PDCD4: variants seen among roughly 807,000 people sequenced by gnomAD.
PDCD4 encodes the protein programmed cell death protein 4.
Under a neutral mutation model 54.0 loss-of-function variants are expected in PDCD4, and 56 were observed. The observed-to-expected ratio is 1.04, with a 90% CI of 0.84 to 1.30. PDCD4 has a LOEUF of 1.30. Among genes scored for constraint, PDCD4 ranks in the 50% most tolerant of loss-of-function variants. The pLI is 0.00. For missense variants in PDCD4, 584 were observed against 559.8 expected (o/e 1.04, Z -0.44); for synonymous variants, 186 against 194.8 (o/e 0.95, Z 0.37).
At chr10:110,885,914 A>G (rs944033224) in intron 5 of PDCD4, among the ~76,000 whole-genome samples, 9 of 152,142 alleles carry the variant, frequency 5.9e-5, no homozygotes, top group African/African-American at 2.2e-4. Context: ...ATAAAATAAA[A>G]CCATTGGTCT....
chr10:110,893,338 ATACT>A (rs1845784690), intron 8 of PDCD4, among the ~76,000 whole-genome samples: 1 of 151,254 alleles, frequency 6.6e-6, no homozygotes, highest in Non-Finnish European at 1.5e-5. Flanking sequence ...AGTTGGAAGG[ATACT>A]TAAATATGAT....
In PDCD4 at chr10:110,890,616, T is replaced by G. The variant is rs758648222; in HGVS notation, c.936T>G (p.Asp312Glu). The change falls in exon 8 of 12, where the codon GAT (aspartate) becomes GAG (glutamate). Residue 312 changes from aspartate to glutamate, a missense_variant. Physicochemically the swap from Asp to Glu is conservative, Grantham distance 45. Coordinates refer to ENST00000280154, the MANE Select transcript of PDCD4 (RefSeq NM_014456.5). ...TGTCTAAAGGTGGAAAGCGTAAAGA[T>G]AGTGTGTGGGGCTCTGGAGGTGGGC... is the stretch of plus-strand genomic sequence containing the variant. ...LSMSKGGKRKDSVWGSGGGQQ... is the reference protein window; with the variant it reads ...LSMSKGGKRKESVWGSGGGQQ... 1 of 1,613,648 alleles carries G rather than the reference T, an allele frequency of 6.2e-7. No homozygotes were observed. The highest frequency in any genetic ancestry group is 1.7e-5 in the Admixed American group (1 of 60,016).
chr10:110,889,529 A>G lies in PDCD4; in HGVS notation c.778-4A>G. 1 of 1,520,452 alleles carries G rather than the reference A, an allele frequency of 6.6e-7. No individual in the cohort carries two copies. The highest frequency in any genetic ancestry group is 1.2e-5 in the South Asian group (1 of 83,198). 94.2% of individuals were successfully genotyped at this position (1,520,452 alleles called of 1,614,324 possible). On this transcript the variant is annotated splice_polypyrimidine_tract_variant and splice_region_variant and intron_variant, in intron 6 of 11. Coordinates refer to ENST00000280154, the MANE Select transcript of PDCD4 (RefSeq NM_014456.5). ...TATAGCTCTTTTTTTTTTCCTTTTT[A>G]CAGTTGGTGGGCCAGTTTATTGCTA...
intron 1 of PDCD4, among the ~76,000 whole-genome samples, chr10:110,873,540 A>T (rs1297207865): frequency 6.6e-6 from 1 of 152,232 alleles, no homozygotes; most frequent in African/African-American, 2.4e-5. Context: ...GGAGAAAAGA[A>T]CAGTGTTTAA....
intron 2 of PDCD4, chr10:110,876,873 TA>T (rs1845513207): frequency 5.1e-6 from 2 of 389,808 alleles, no homozygotes; most frequent in East Asian, 7.5e-5. Context: ...ATACTTTGGA[TA>T]ATTCTTTGTC....
At chr10:110,879,349 AG>A (rs1845555512) in intron 2 of PDCD4, among the ~76,000 whole-genome samples, 1 of 152,192 alleles carries the variant, frequency 6.6e-6, no homozygotes, top group African/African-American at 2.4e-5. Context: ...AAGATCATAA[AG>A]GACCTTAAGT....
intron 11 of PDCD4, among the ~76,000 whole-genome samples, chr10:110,897,075 T>A (rs1845847778): frequency 6.6e-6 from 1 of 152,206 alleles, no homozygotes; most frequent in African/African-American, 2.4e-5. Flanking sequence ...TTCCCTACCT[T>A]GGTCTCATAC....
chr10:110,878,387 A>G (rs1282680373), intron 2 of PDCD4, among the ~76,000 whole-genome samples: 2 of 152,192 alleles, frequency 1.3e-5, no homozygotes, highest in African/African-American at 4.8e-5. Context: ...ACTCCAAGGG[A>G]CAGTTTAAGA....
intron 6 of PDCD4, among the ~76,000 whole-genome samples, chr10:110,888,267 TCTTCC>T (rs1353889957): frequency 6.6e-6 from 1 of 152,160 alleles, no homozygotes; most frequent in African/African-American, 2.4e-5. Flanking sequence ...TAAATAAGAC[TCTTCC>T]CTTTTGTAGC....
intron 8 of PDCD4, chr10:110,890,882 GAAT>G (rs1435308192): frequency 2.8e-6 from 1 of 357,398 alleles, no homozygotes; most frequent in Admixed American, 4.6e-5. Context: ...TGGCTTTCAT[GAAT>G]AATTATAAGC....
In PDCD4 at chr10:110,894,208, C is replaced by A. The variant is rs753923888; in HGVS notation, c.1098+10C>A. On this transcript the variant is annotated intron_variant, in intron 9 of 11. Transcript: ENST00000280154. ...TGAGCTTGTATATGAAGTAAGATTA[C>A]CTTGCCATGTCAAAGATAATTATTA... is the stretch of plus-strand genomic sequence containing the variant. The A allele has an allele frequency of 2.8e-5, 40 of 1,411,486 alleles. No homozygotes were observed. Among genetic ancestry groups the A allele is most frequent in the African/African-American group, 5.6e-5 (4 of 70,926 alleles). 87.4% of individuals were successfully genotyped at this position (1,411,486 alleles called of 1,614,324 possible). A position where few individuals can be genotyped will look rare whatever the true frequency, so the allele number is the denominator to read the frequency against.
At chr10:110,878,477 A>G (rs2135192644) in intron 2 of PDCD4, among the ~76,000 whole-genome samples, 1 of 152,316 alleles carries the variant, frequency 6.6e-6, no homozygotes, top group South Asian at 2.1e-4. Flanking sequence ...TGAAAGCACT[A>G]TGTTACAGGT....
chr10:110,877,772 A>G (rs1845528489), intron 2 of PDCD4, among the ~76,000 whole-genome samples: 2 of 152,226 alleles, frequency 1.3e-5, no homozygotes, highest in Non-Finnish European at 2.9e-5. Context: ...AAATAGTCCA[A>G]GTCACACTCT....
In PDCD4 at chr10:110,898,103, G is replaced by C; in HGVS notation, c.*15G>C. The C allele has an allele frequency of 6.7e-7, 1 of 1,495,456 alleles. No individual in the cohort carries two copies. Among genetic ancestry groups the C allele is most frequent in the Non-Finnish European group, 9.1e-7 (1 of 1,097,048 alleles). The allele number at this position is 1,495,456 out of a possible 1,614,324, so 92.6% of individuals were successfully genotyped here. A position where few individuals can be genotyped will look rare whatever the true frequency, so the allele number is the denominator to read the frequency against. On this transcript the variant is annotated 3_prime_UTR_variant, in exon 12 of 12. Coordinates refer to ENST00000280154, the MANE Select transcript of PDCD4 (RefSeq NM_014456.5). The stretch of plus-strand genomic sequence containing the variant: ...AGAGCTACTGAATATAAGAACTCTT[G>C]CAGTCTTAGATGTTATAAAAATATA...
At chr10:110,874,866 G>A (rs1845477839) in intron 1 of PDCD4, among the ~76,000 whole-genome samples, 1 of 152,074 alleles carries the variant, frequency 6.6e-6, no homozygotes, top group African/African-American at 2.4e-5. Flanking sequence ...ATCCTAAAAT[G>A]ACATCTAACA....
chr10:110,878,402 T>G (rs1284045876), intron 2 of PDCD4, among the ~76,000 whole-genome samples: 3 of 152,186 alleles, frequency 2.0e-5, no homozygotes, highest in African/African-American at 7.2e-5. Flanking sequence ...TTAAGACATT[T>G]TATTATAGTT....
intron 2 of PDCD4, chr10:110,876,729 A>T: frequency 7.6e-7 from 1 of 1,323,910 alleles, no homozygotes. Flanking sequence ...AAAAATGAAC[A>T]GTTTTGTGGA....
intron 1 of PDCD4, among the ~76,000 whole-genome samples, chr10:110,875,750 T>C (rs1313501461): frequency 6.6e-6 from 1 of 152,222 alleles, no homozygotes; most frequent in Middle Eastern, 3.2e-3. Context: ...TGGGATTTTT[T>C]TTTTTGACTT....
chr10:110,872,700 T>G (rs1175422762), intron 1 of PDCD4, among the ~76,000 whole-genome samples: 1 of 152,214 alleles, frequency 6.6e-6, no homozygotes, highest in Non-Finnish European at 1.5e-5. Context: ...TGCGCGAACT[T>G]CGTCGCGCCC....
Sources: allele counts gnomAD v4.1 joint callset (sites outside exome capture counted in the v4.1 genomes callset), GRCh38; gene constraint gnomAD v4.1.1; transcripts MANE v1.5; gene names NCBI Gene and HGNC (gene_info 2026-07-23, HGNC 2026-07-21).